ABCA6: variants seen among roughly 807,000 people sequenced by gnomAD.
The protein encoded by ABCA6 is ATP-binding cassette sub-family A member 6.
Under a neutral mutation model 191.2 loss-of-function variants are expected in ABCA6, and 164 were observed. The observed-to-expected ratio is 0.86, with a 90% CI of 0.76 to 0.98. The LOEUF (loss-of-function observed/expected upper bound fraction) is 0.98. Ranked by LOEUF, ABCA6 falls within the 50% of genes least tolerant of loss-of-function variation. ABCA6 has a pLI of 0.00. For missense variants in ABCA6, 1,958 were observed against 1,894.1 expected (o/e 1.03, Z -0.63); for synonymous variants, 636 against 647.7 (o/e 0.98, Z 0.27).
chr17:69,126,400 C>T lies in ABCA6; in HGVS notation c.1120-1365G>A, dbSNP rs144563301. Among the ~76,000 whole-genome samples the T allele has an allele frequency of 2.0e-3, 305 of 152,256 alleles. 3 individuals are homozygous for T. Among genetic ancestry groups the T allele is most frequent in the African/African-American group, 7.1e-3 (294 of 41,568 alleles). On this transcript the variant is annotated intron_variant, in intron 8 of 38. Transcript: ENST00000284425. ...ATGGATCACACCTGTAATCCCAGCA[C>T]TTTGATAGGCTGAGTTGGGAGGATC...
chr17:69,085,809 C>A, intron 30 of ABCA6, 93 bp from the exon 31 acceptor site: 1 of 829,150 alleles, frequency 1.2e-6, no homozygotes, highest in South Asian at 1.5e-5. Flanking sequence ...ATTTCTGCAC[C>A]CTTCAGTTAG....
chr17:69,117,463 T>C (rs1051222408), intron 11 of ABCA6, among the ~76,000 whole-genome samples: 1 of 152,076 alleles, frequency 6.6e-6, no homozygotes, highest in African/African-American at 2.4e-5. Context: ...AGGTTTGTTA[T>C]AGGATATTGA....
At chr17:69,105,994 T>C in intron 19 of ABCA6, 34 bp downstream of exon 19, 1 of 1,537,798 alleles carries the variant, frequency 6.5e-7, no homozygotes, top group South Asian at 1.3e-5. Flanking sequence ...TTGAAATTCA[T>C]GATCTAACAA....
intron 15 of ABCA6, 36 bp downstream of exon 15, chr17:69,113,186 G>A: frequency 6.3e-7 from 1 of 1,577,728 alleles, no homozygotes; most frequent in Non-Finnish European, 8.6e-7. Flanking sequence ...TTCCCCAATT[G>A]CATCATGGTA....
intron 18 of ABCA6, 22 bp from the exon 19 acceptor site, chr17:69,106,233 A>C (rs2073301417): frequency 1.3e-6 from 2 of 1,589,686 alleles, no homozygotes; most frequent in Non-Finnish European, 8.6e-7. Flanking sequence ...CACATACACA[A>C]ACACACATAT....
intron 22 of ABCA6, chr17:69,098,248 C>T (rs556069824): frequency 8.3e-5 from 36 of 435,014 alleles, no homozygotes; most frequent in African/African-American, 5.7e-4. Flanking sequence ...GGGATATTTC[C>T]AAAAGAATTG....
intron 18 of ABCA6, among the ~76,000 whole-genome samples, chr17:69,107,214 T>C (rs1018914566): frequency 2.0e-5 from 3 of 152,104 alleles, no homozygotes; most frequent in African/African-American, 4.8e-5. Flanking sequence ...TGAAGGCATA[T>C]ATATCAATGT....
chr17:69,085,014 G>C lies in ABCA6; in HGVS notation c.4184+14C>G. On this transcript the variant is annotated intron_variant, in intron 32 of 38. Coordinates refer to ENST00000284425, the MANE Select transcript of ABCA6 (RefSeq NM_080284.3). Reference sequence around the variant, plus strand: ...TGCATTCTGACACAAAGGAATCGCAGGTCCCGTCTGTACCTTGCGATGGCG... The same window carrying C: ...TGCATTCTGACACAAAGGAATCGCACGTCCCGTCTGTACCTTGCGATGGCG... 1.3e-6 allele frequency: 2 copies of C among 1,580,364 alleles called. No individual in the cohort carries two copies. Among genetic ancestry groups the C allele is most frequent in the Non-Finnish European group, 1.7e-6 (2 of 1,167,420 alleles).
chr17:69,115,025 T>C lies in ABCA6; in HGVS notation c.1607-88A>G, dbSNP rs1295000692. ...TCATTTAAGAAAATATTGGCATATG[T>C]TCACAAATGTCTAAAATGATTTGTG... On this transcript the variant is annotated intron_variant, in intron 12 of 38. Coordinates refer to ENST00000284425, the MANE Select transcript of ABCA6 (RefSeq NM_080284.3). 4 of 1,006,858 alleles carry C rather than the reference T, an allele frequency of 4.0e-6. No individual in the cohort carries two copies. In the African/African-American group the frequency reaches 6.6e-5, roughly 17 times the overall value. The allele number at this position is 1,006,858 out of a possible 1,614,324, so 62.4% of individuals were successfully genotyped here.
intron 6 of ABCA6, among the ~76,000 whole-genome samples, chr17:69,133,047 A>G (rs1243275298): frequency 2.0e-5 from 3 of 152,234 alleles, no homozygotes; most frequent in Admixed American, 2.0e-4. Context: ...ATATCAATAT[A>G]TATAGCAAAT....
intron 13 of ABCA6, among the ~76,000 whole-genome samples, chr17:69,114,381 A>G (rs2073494392): frequency 7.9e-6 from 1 of 126,946 alleles, no homozygotes; most frequent in Non-Finnish European, 1.6e-5. Context: ...ACATGGACAC[A>G]GGAAGGGGAA....
At chr17:69,115,545 CA>C in intron 11 of ABCA6, 59 bp from the exon 12 acceptor site, 1 of 1,260,600 alleles carries the variant, frequency 7.9e-7, no homozygotes, top group Non-Finnish European at 1.1e-6. Context: ...AGGCATTAGA[CA>C]GGCCTGGTCC....
chr17:69,107,170 C>G (rs2073324681), intron 18 of ABCA6, among the ~76,000 whole-genome samples: 1 of 152,066 alleles, frequency 6.6e-6, no homozygotes, highest in African/African-American at 2.4e-5. Context: ...GCCAATGACA[C>G]TTCTTGGAAA....
At chr17:69,080,151 A>C (rs908803704) in intron 37 of ABCA6, among the ~76,000 whole-genome samples, 6 of 152,168 alleles carry the variant, frequency 3.9e-5, no homozygotes, top group African/African-American at 1.4e-4. Flanking sequence ...GCATGGAAGG[A>C]ACAAAGCAGA....
At position 69,100,881 on chromosome 17, in the gene ABCA6, A is replaced by G; in HGVS notation, c.2928T>C (p.Ile976=). The change falls in exon 22 of 39, where the codon ATT becomes ATC. Residue 976 remains isoleucine, a synonymous_variant. Coordinates refer to ENST00000284425, the MANE Select transcript of ABCA6 (RefSeq NM_080284.3). ...GCCCATTGCTGATAATATTCATAAG[A>G]ATTGGAAAACAGTGCAATCTCTTGG... ...CNTKRLHCFP[I]LMNIISNGLL... is the part of the protein sequence containing the mutation. The G allele has an allele frequency of 6.2e-7, 1 of 1,611,114 alleles. No homozygotes were observed. The highest frequency in any genetic ancestry group is 8.5e-7 in the Non-Finnish European group (1 of 1,177,998).
intron 6 of ABCA6, among the ~76,000 whole-genome samples, chr17:69,133,422 T>A (rs192050874): frequency 8.5e-4 from 129 of 152,320 alleles, no homozygotes; most frequent in African/African-American, 3.0e-3. Flanking sequence ...CCTGTATCAG[T>A]GTTGGCTTAA....
rs146030856 is a variant in ABCA6 at position 69,081,096 on chromosome 17, G to T, written c.4666C>A (p.Leu1556Ile). The T allele has an allele frequency of 1.3e-3, 2,064 of 1,605,536 alleles. 55 individuals carry two copies. In the Admixed American group the frequency reaches 0.032, roughly 25 times the overall value. The change falls in exon 37 of 39, where the codon CTA becomes ATA. Residue 1556 changes from leucine to isoleucine, a missense_variant. Physicochemically the swap from Leu to Ile is conservative, Grantham distance 5. Transcript: ENST00000284425. Reference protein sequence around the residue: ...YKLPVADVYPLSQTFHKLEAV... With the variant: ...YKLPVADVYPISQTFHKLEAV... ...TCTAATTTGTGAAAGGTCTGTGATA[G>T]AGGGTAAACGTCTGCCACGGGCAGC...
At chr17:69,114,220 A>G (rs1229750639) in intron 13 of ABCA6, among the ~76,000 whole-genome samples, 1 of 152,248 alleles carries the variant, frequency 6.6e-6, no homozygotes. Flanking sequence ...ATACCATGGA[A>G]TACTATGCAG....
At chr17:69,105,405 G>A in intron 20 of ABCA6, 57 bp downstream of exon 20, 1 of 1,466,628 alleles carries the variant, frequency 6.8e-7, no homozygotes, top group Non-Finnish European at 9.3e-7. Flanking sequence ...CACCTCCTGT[G>A]CTATTCAACA....
Sources: gnomAD v4.1 joint callset for allele counts (sites outside exome capture counted in the v4.1 genomes callset) on GRCh38, gnomAD v4.1.1 for gene constraint, MANE v1.5 for transcripts, NCBI Gene and HGNC (gene_info 2026-07-23, HGNC 2026-07-21) for gene names.